Variants in CUX1 observed in about 807,000 individuals in gnomAD.
CUX1 encodes the protein cut like homeobox 1, also known as protein CASP.
Under a neutral mutation model 158.8 loss-of-function variants are expected in CUX1, and 31 were observed. That is an observed-to-expected ratio of 0.20 (90% CI 0.15 to 0.26). The LOEUF is 0.26. CUX1 is among the 10% of genes least tolerant of loss of function. CUX1 has a pLI of 1.00. For synonymous variants in CUX1, 879 were observed against 862.1 expected (o/e 1.02, Z -0.34); for missense variants, 1,589 against 2,014.6 (o/e 0.79, Z 4.04).
chr7:102,038,368 A>T (rs1821688755), intron 3 of CUX1, among the ~76,000 whole-genome samples: 1 of 152,182 alleles, frequency 6.6e-6, no homozygotes, highest in African/African-American at 2.4e-5. Context: ...TCGCATGTCA[A>T]TGGGGGGAGA....
Position 102,254,527 on chromosome 7 carries a change from G to A in CUX1, c.*5485G>A, listed in dbSNP as rs1484145937. ...GCACCGAAGAAAATCAGCTCCTGGGGCTGGTGGTTGGAGGTGGGTCTGTCC... is the reference window on the plus strand; with the variant it reads ...GCACCGAAGAAAATCAGCTCCTGGGACTGGTGGTTGGAGGTGGGTCTGTCC... On this transcript the variant is annotated 3_prime_UTR_variant, in exon 24 of 24. Transcript: ENST00000292535. 1.0e-6 allele frequency: 1 copy of A among 985,542 alleles called. No homozygotes were observed. Among genetic ancestry groups the A allele is most frequent in the East Asian group, 1.1e-4 (1 of 8,816 alleles). 61.0% of individuals were successfully genotyped at this position (985,542 alleles called of 1,614,324 possible).
chr7:102,178,706 G>C (rs1554512938), intron 11 of CUX1, 49 bp downstream of exon 11: 1 of 1,549,126 alleles, frequency 6.5e-7, no homozygotes, highest in Admixed American at 1.9e-5. Flanking sequence ...CAGGGCGGAT[G>C]GCTGGACACA....
At chr7:102,283,640 C>T (rs1792286005) in exon 23 of CUX1, 1 of 153,826 alleles carries the variant, frequency 6.5e-6, no homozygotes. Context: ...CCCACTGCAC[C>T]CCAAGAGAGA....
At chr7:101,959,852 T>C (rs1810255210) in intron 2 of CUX1, among the ~76,000 whole-genome samples, 1 of 152,212 alleles carries the variant, frequency 6.6e-6, no homozygotes, top group Non-Finnish European at 1.5e-5. Flanking sequence ...TGTGGACCCT[T>C]TTAAACATAG....
At chr7:102,229,652 G>A (rs182510903) in intron 21 of CUX1, among the ~76,000 whole-genome samples, 91 of 103,882 alleles carry the variant, frequency 8.8e-4, no homozygotes, top group South Asian at 5.9e-3. Flanking sequence ...GAGTCTCACC[G>A]TCTCACTCAG....
chr7:101,848,110 A>G (rs2131234389), intron 1 of CUX1, among the ~76,000 whole-genome samples: 1 of 152,232 alleles, frequency 6.6e-6, no homozygotes, highest in African/African-American at 2.4e-5. Context: ...TATTAAAAGA[A>G]AAATAATGGT....
At chr7:102,194,609 A>G (rs1794605450) in intron 13 of CUX1, among the ~76,000 whole-genome samples, 1 of 151,460 alleles carries the variant, frequency 6.6e-6, no homozygotes, top group Admixed American at 6.6e-5. Context: ...TTTTTTTTTA[A>G]TTGCATTAAA....
chr7:101,817,176 A>ACGCTGTTCC (rs1791933310), upstream of CUX1: 2 of 983,532 alleles, frequency 2.0e-6, no homozygotes, highest in South Asian at 9.4e-5. The surrounding 1 kb of genome is among the most constrained non-coding windows in gnomAD (Gnocchi z 4.1). Context: ...GGCAGGCCCC[A>ACGCTGTTCC]AGCTGTTCCC....
intron 3 of CUX1, among the ~76,000 whole-genome samples, chr7:102,035,858 A>G (rs1036946450): frequency 4.6e-5 from 7 of 152,128 alleles, no homozygotes; most frequent in Non-Finnish European, 8.8e-5. Flanking sequence ...TTGTAGTTCC[A>G]GTAAAAATCC....
chr7:102,064,162 G>A (rs1320672292), intron 3 of CUX1, among the ~76,000 whole-genome samples: 1 of 152,226 alleles, frequency 6.6e-6, no homozygotes, highest in Non-Finnish European at 1.5e-5. Flanking sequence ...GCAGGCCAGT[G>A]TCTAACCGTC....
intron 2 of CUX1, among the ~76,000 whole-genome samples, chr7:102,020,284 C>T (rs892074651): frequency 3.3e-5 from 5 of 152,090 alleles, no homozygotes; most frequent in Admixed American, 1.3e-4. Context: ...GGAACGATGC[C>T]GTGTTGATGG....
Position 102,278,327 on chromosome 7 carries a change from T to C in CUX1, c.1680+262T>C, listed in dbSNP as rs1554548234. 2.6e-5 allele frequency among the ~76,000 whole-genome samples: 4 copies of C among 152,194 alleles called. No individual in the cohort carries two copies. In the South Asian group the frequency reaches 8.3e-4, roughly 31 times the overall value. Reference sequence around the variant, plus strand: ...CAGAAGGACCAGGCACGGTGGCTCATGCCTGTCATCCCACCACTGTGGGAG... The same window carrying C: ...CAGAAGGACCAGGCACGGTGGCTCACGCCTGTCATCCCACCACTGTGGGAG... On this transcript the variant is annotated intron_variant, in intron 18 of 22. Coordinates refer to the CUX1 transcript ENST00000292538.
intron 2 of CUX1, among the ~76,000 whole-genome samples, chr7:101,992,155 A>T (rs1407868309): frequency 1.3e-5 from 2 of 152,064 alleles, no homozygotes; most frequent in African/African-American, 4.8e-5. Context: ...GGGTAGAAAG[A>T]GGCTTGGAGG....
chr7:101,886,449 C>T (rs1201523164), intron 1 of CUX1, among the ~76,000 whole-genome samples: 1 of 152,182 alleles, frequency 6.6e-6, no homozygotes, highest in Non-Finnish European at 1.5e-5. Context: ...GATCTGTCCA[C>T]CATGGCTTCC....
intron 3 of CUX1, among the ~76,000 whole-genome samples, chr7:102,045,515 C>G (rs1411222335): frequency 2.0e-5 from 3 of 152,262 alleles, no homozygotes; most frequent in Non-Finnish European, 4.4e-5. Flanking sequence ...GAGCTGCTTT[C>G]TGTTGAATAA....
intron 1 of CUX1, among the ~76,000 whole-genome samples, chr7:101,853,331 T>C (rs1350476487): frequency 2.0e-5 from 3 of 152,226 alleles, no homozygotes; most frequent in African/African-American, 7.2e-5. Context: ...GCAATAGACT[T>C]GCAGGATTTG....
chr7:102,196,588 C>G (rs1382281661), intron 14 of CUX1, 46 bp from the exon 15 acceptor site: 39 of 1,401,928 alleles, frequency 2.8e-5, no homozygotes, highest in Non-Finnish European at 3.7e-5. Context: ...TTTTTTTTCC[C>G]CCTTTGGAAT....
chr7:101,860,735 C>CCCTCCCTTCCTTCCTTCCTTCCTTCCTT (rs1391687312), intron 1 of CUX1, among the ~76,000 whole-genome samples: 1 of 90,442 alleles, frequency 1.1e-5, no homozygotes, highest in African/African-American at 4.2e-5. Flanking sequence ...TCCCCTTCCT[C>CCCTCCCTTCCTTCCTTCCTTCCTTCCTT]CCTTCCTTCC....
chr7:102,278,102 C>A, intron 18 of CUX1: 1 of 1,490,514 alleles, frequency 6.7e-7, no homozygotes, highest in Non-Finnish European at 9.3e-7. Flanking sequence ...CCAGGTGGAC[C>A]AGGCAGGGAG....
Sources: allele counts gnomAD v4.1 joint callset (sites outside exome capture counted in the v4.1 genomes callset), GRCh38; gene constraint gnomAD v4.1.1; non-coding constraint Gnocchi (gnomAD v3.1); transcripts MANE v1.5; gene names NCBI Gene and HGNC (gene_info 2026-07-23, HGNC 2026-07-21).